The following SRPK1 variants were observed in gnomAD, a reference collection of about 807,000 sequenced individuals.
SRPK1 encodes the protein SFRS protein kinase 1.
In SRPK1, 52 loss-of-function variants were observed where a neutral mutation model predicts 89.5. The observed-to-expected ratio is 0.58, with a 90% CI of 0.46 to 0.73. The LOEUF is 0.73. SRPK1 is among the 30% of genes least tolerant of loss of function. The probability of loss-of-function intolerance (pLI) is 0.00; values close to 1 mark genes in which losing one functional copy is unlikely to be tolerated. For synonymous variants in SRPK1, 255 were observed against 270.2 expected, an observed-to-expected ratio of 0.94 and a Z score of 0.55; for missense variants, 603 against 780.6, an observed-to-expected ratio of 0.77 and a Z score of 2.71.
At chr6:35,869,250 C>T in intron 11 of SRPK1, 140 bp from the exon 12 acceptor site, 1 of 880,926 alleles carries the variant, frequency 1.1e-6, no homozygotes, top group Non-Finnish European at 1.7e-6. Flanking sequence ...AAAAAGAGCA[C>T]AGCAACGCCT....
chr6:35,900,440 G>C (rs763974724), intron 2 of SRPK1, among the ~76,000 whole-genome samples: 3 of 152,122 alleles, frequency 2.0e-5, no homozygotes, highest in Non-Finnish European at 4.4e-5. Context: ...CTTTTTTCTA[G>C]GCACTGGGAA....
At chr6:35,920,873 G>A (rs1771222417) in intron 1 of SRPK1, 171 bp downstream of exon 1, 2 of 652,276 alleles carry the variant, frequency 3.1e-6, no homozygotes, top group Non-Finnish European at 4.8e-6. Context: ...CGGACTGAGG[G>A]GCGCGGACCC....
chr6:35,893,631 G>A (rs1770566970), intron 2 of SRPK1, among the ~76,000 whole-genome samples: 1 of 151,218 alleles, frequency 6.6e-6, no homozygotes, highest in Non-Finnish European at 1.5e-5. Context: ...AAACTGGAAA[G>A]AACAAATGCT....
chr6:35,856,185 T>C (rs1168469483), intron 13 of SRPK1, among the ~76,000 whole-genome samples: 1 of 152,152 alleles, frequency 6.6e-6, no homozygotes, highest in Admixed American at 6.5e-5. Context: ...CCTAATTAAT[T>C]ACATCTCAAT....
intron 13 of SRPK1, among the ~76,000 whole-genome samples, chr6:35,854,517 CATG>C (rs1276374125): frequency 6.6e-6 from 1 of 150,570 alleles, no homozygotes; most frequent in Non-Finnish European, 1.5e-5. Context: ...CTCAATTTTT[CATG>C]ATATTGTCTC....
chr6:35,901,507 A>G (rs1021326452), intron 2 of SRPK1, among the ~76,000 whole-genome samples: 9 of 152,322 alleles, frequency 5.9e-5, no homozygotes, highest in East Asian at 3.9e-4. Flanking sequence ...CCTGTGAGAT[A>G]ATAAATTTCT....
chr6:35,893,615 T>C (rs756232071), intron 2 of SRPK1, among the ~76,000 whole-genome samples: 1 of 151,804 alleles, frequency 6.6e-6, no homozygotes, highest in African/African-American at 2.4e-5. Flanking sequence ...CTAAAGAAAA[T>C]AAAATAAACT....
chr6:35,842,313 T>C (rs1276727823), intron 14 of SRPK1, among the ~76,000 whole-genome samples: 2 of 152,206 alleles, frequency 1.3e-5, no homozygotes, highest in East Asian at 3.8e-4. Context: ...CACAGAAGTT[T>C]TAGGTGAACT....
At chr6:35,888,600 C>T (rs1013958434) in intron 4 of SRPK1, among the ~76,000 whole-genome samples, 12 of 152,306 alleles carry the variant, frequency 7.9e-5, no homozygotes, top group Non-Finnish European at 1.8e-4. Flanking sequence ...AATTTAATCA[C>T]TCCTGTCTCT....
chr6:35,893,345 C>T (rs904799687), intron 2 of SRPK1, among the ~76,000 whole-genome samples: 2 of 151,952 alleles, frequency 1.3e-5, no homozygotes, highest in African/African-American at 4.8e-5. Flanking sequence ...ATTAACTGGG[C>T]TTGGTGGTGC....
At chr6:35,871,060 T>TCTG in intron 8 of SRPK1, 101 bp from the exon 9 acceptor site, 1 of 911,016 alleles carries the variant, frequency 1.1e-6, no homozygotes, top group South Asian at 1.7e-5. Flanking sequence ...GTCTTTCTTA[T>TCTG]GTAGTCTACA....
intron 2 of SRPK1, among the ~76,000 whole-genome samples, chr6:35,918,704 T>A (rs1024584514): frequency 6.6e-6 from 1 of 152,188 alleles, no homozygotes; most frequent in Non-Finnish European, 1.5e-5. Context: ...TAATCCATAC[T>A]TGCAAACAAT....
At chr6:35,916,728 C>A in intron 2 of SRPK1, among the ~76,000 whole-genome samples, 1 of 152,150 alleles carries the variant, frequency 6.6e-6, no homozygotes, top group East Asian at 1.9e-4. Context: ...AGTATGAAAT[C>A]CATTCTGGAA....
At chr6:35,855,659 G>A (rs1018564779) in intron 13 of SRPK1, among the ~76,000 whole-genome samples, 1 of 152,162 alleles carries the variant, frequency 6.6e-6, no homozygotes, top group African/African-American at 2.4e-5. Context: ...GAATTTCCAA[G>A]TGCTAGGTGT....
intron 10 of SRPK1, 33 bp downstream of exon 10, chr6:35,870,248 T>C: frequency 6.3e-7 from 1 of 1,578,222 alleles, no homozygotes; most frequent in Non-Finnish European, 8.7e-7. Context: ...TAAAGTGTGT[T>C]GTACAGTAAT....
chr6:35,867,984 T>C (rs1769942140), intron 12 of SRPK1, among the ~76,000 whole-genome samples: 1 of 152,172 alleles, frequency 6.6e-6, no homozygotes, highest in African/African-American at 2.4e-5. Flanking sequence ...CTTTTCTTTT[T>C]TTTTGAGATG....
In SRPK1 at chr6:35,872,614, C is replaced by A; in HGVS notation, c.700G>T (p.Glu234Ter). The A allele has an allele frequency of 1.9e-6, 3 of 1,612,342 alleles. No individual in the cohort carries two copies. Among genetic ancestry groups the A allele is most frequent in the Non-Finnish European group, 2.5e-6 (3 of 1,179,264 alleles). Residue 234 changes from glutamate (E) to a stop codon, truncating the protein, a stop_gained, in exon 8 of 16, where the codon GAA (glutamate) becomes TAA (stop). Transcript: ENST00000373825. LOFTEE classifies it high-confidence loss of function. ...CCAGATCGCTGCCATTCTGTTGCTTCTGCAGCCAGCCTCCGAATGTACTGC... is the reference window on the plus strand; with the variant it reads ...CCAGATCGCTGCCATTCTGTTGCTTATGCAGCCAGCCTCCGAATGTACTGC... ...NEQYIRRLAA[E>*]ATEWQRSGAP...
At chr6:35,884,140 A>G (rs1214833981) in intron 6 of SRPK1, among the ~76,000 whole-genome samples, 2 of 152,210 alleles carry the variant, frequency 1.3e-5, no homozygotes, top group Non-Finnish European at 2.9e-5. Context: ...TTTAGGGCAC[A>G]TTATGAATAA....
intron 2 of SRPK1, among the ~76,000 whole-genome samples, chr6:35,916,205 C>G (rs1353658355): frequency 6.7e-6 from 1 of 149,646 alleles, no homozygotes; most frequent in Admixed American, 6.7e-5. Flanking sequence ...GACTGGATGA[C>G]AAGAGCGAAG....
Sources: allele counts gnomAD v4.1 joint callset (sites outside exome capture counted in the v4.1 genomes callset), GRCh38; gene constraint gnomAD v4.1.1; transcripts MANE v1.5; gene names NCBI Gene and HGNC (gene_info 2026-07-23, HGNC 2026-07-21).